ADPRHL1: variants seen among roughly 807,000 people sequenced by gnomAD.
ADPRHL1 encodes the protein ADP-ribosylhydrolase like 1, also known as inactive ADP-ribosyltransferase ARH2.
A neutral mutation model predicts 44.1 loss-of-function variants in ADPRHL1; 43 were observed. That is an observed-to-expected ratio of 0.98 (90% CI 0.76 to 1.26). The LOEUF is 1.26. Ranked by LOEUF, ADPRHL1 falls within the 50% of genes most tolerant of loss-of-function variation. The probability of loss-of-function intolerance (pLI) is 0.00; values close to 1 mark genes in which losing one functional copy is unlikely to be tolerated. For synonymous variants in ADPRHL1, 878 were observed against 1,017.4 expected (o/e 0.86, Z 2.61); for missense variants, 2,022 against 2,496.9 (o/e 0.81, Z 4.05).
At position 113,403,017 on chromosome 13, in the gene ADPRHL1, T is replaced by G; in HGVS notation, c.*361A>C. On this transcript the variant is annotated 3_prime_UTR_variant, in exon 8 of 8. Coordinates refer to ENST00000612156, the MANE Select transcript of ADPRHL1 (RefSeq NM_001394807.1). ...TCCCAAAGTGCCAGCATCCTGCAGA[T>G]CGAAGGGGACGCACACACCGTGCCA... is the stretch of plus-strand genomic sequence containing the variant. 3 of 167,522 alleles carry G rather than the reference T, an allele frequency of 1.8e-5. No individual in the cohort carries two copies. Among genetic ancestry groups the G allele is most frequent in the Non-Finnish European group, 3.8e-5 (3 of 78,734 alleles). The allele number at this position is 167,522 out of a possible 1,614,324, so 10.4% of individuals were successfully genotyped here.
intron 7 of ADPRHL1, among the ~76,000 whole-genome samples, chr13:113,413,257 C>T (rs937377378): frequency 4.6e-5 from 7 of 152,244 alleles, no homozygotes; most frequent in Non-Finnish European, 8.8e-5. Flanking sequence ...GTCCACTCCA[C>T]GCCCAACCTC....
chr13:113,437,101 G>C (rs1450744425), intron 2 of ADPRHL1, among the ~76,000 whole-genome samples: 1 of 146,416 alleles, frequency 6.8e-6, no homozygotes, highest in African/African-American at 2.6e-5. Context: ...GAACATAGGT[G>C]TACCCCGGGA....
At position 113,401,258 on chromosome 13, in the gene ADPRHL1, T is replaced by C. The variant is rs909045613; in HGVS notation, c.*2120A>G. Reference sequence around the variant, plus strand: ...GCTGGACCCCTGAGCTCCCCTCTCATGGGCCTCTCCGTTTGGGTGGCTCCG... The same window carrying C: ...GCTGGACCCCTGAGCTCCCCTCTCACGGGCCTCTCCGTTTGGGTGGCTCCG... On this transcript the variant is annotated 3_prime_UTR_variant, in exon 8 of 8. Transcript: ENST00000612156. The surrounding 1 kb of genome is among the most constrained non-coding windows in gnomAD (Gnocchi z 5.5). 6.6e-6 allele frequency: 1 copy of C among 152,148 alleles called. No individual in the cohort carries two copies. The highest frequency in any genetic ancestry group is 2.4e-5 in the African/African-American group (1 of 41,424). The allele number at this position is 152,148 out of a possible 1,614,324, so 9.4% of individuals were successfully genotyped here. A position where few individuals can be genotyped will look rare whatever the true frequency, so the allele number is the denominator to read the frequency against.
Position 113,407,263 on chromosome 13 carries a change from C to T in ADPRHL1, c.2019G>A (p.Gly673=), listed in dbSNP as rs1326627670. The change falls in exon 8 of 8, where the codon GGG becomes GGA. Residue 673 remains glycine, a synonymous_variant. Coordinates refer to ENST00000612156, the MANE Select transcript of ADPRHL1 (RefSeq NM_001394807.1). ...GPSGNKAVGK[G]PLEEEPQRQP... is the part of the protein sequence containing the mutation. ...GTCTTTGGGGCTCCTCCTCCAGGGG[C>T]CCCTTTCCCACTGCTTTGTTCCCAC... is the stretch of plus-strand genomic sequence containing the variant. The T allele has an allele frequency of 1.6e-6, 2 of 1,232,100 alleles. No homozygotes were observed. Among genetic ancestry groups the T allele is most frequent in the Non-Finnish European group, 2.0e-6 (2 of 988,090 alleles). 76.3% of individuals were successfully genotyped at this position (1,232,100 alleles called of 1,614,324 possible). A position where few individuals can be genotyped will look rare whatever the true frequency, so the allele number is the denominator to read the frequency against.
chr13:113,417,563 ATCCC>A (rs2043893109), intron 7 of ADPRHL1, among the ~76,000 whole-genome samples: 1 of 151,860 alleles, frequency 6.6e-6, no homozygotes, highest in Non-Finnish European at 1.5e-5. Flanking sequence ...ATCAGGCGCT[ATCCC>A]TGCCTTTGTC....
chr13:113,451,245 C>T (rs1184857778), intron 1 of ADPRHL1, among the ~76,000 whole-genome samples: 4 of 152,184 alleles, frequency 2.6e-5, no homozygotes, highest in African/African-American at 9.7e-5. Context: ...GTAATTGCTA[C>T]AAACTAATGA....
intron 2 of ADPRHL1, among the ~76,000 whole-genome samples, chr13:113,440,272 T>G (rs908052394): frequency 1.3e-5 from 2 of 152,224 alleles, no homozygotes; most frequent in Non-Finnish European, 2.9e-5. Context: ...ATTCTGAAGA[T>G]CTGTTATTAG....
intron 2 of ADPRHL1, among the ~76,000 whole-genome samples, chr13:113,434,688 G>A (rs911125497): frequency 6.4e-3 from 807 of 126,244 alleles, no homozygotes; most frequent in East Asian, 0.02. Flanking sequence ...CGGCACCCAG[G>A]TGTAGAGTGA....
chr13:113,433,167 C>T (rs1391990969), intron 3 of ADPRHL1, among the ~76,000 whole-genome samples: 1 of 152,220 alleles, frequency 6.6e-6, no homozygotes, highest in Non-Finnish European at 1.5e-5. Context: ...CGCCCCGTTA[C>T]AGGTTAGAAA....
Position 113,406,737 on chromosome 13 carries a change from C to G in ADPRHL1, c.2545G>C (p.Val849Leu). The change falls in exon 8 of 8, where the codon GTT becomes CTT. Residue 849 changes from valine (V) to leucine (L), a missense_variant. By Grantham distance (32) the Val-to-Leu change is conservative. Around this residue, in one of 8 missense-constraint regions of ADPRHL1, gnomAD observed 1,221 missense variants for 1,517.8 expected, o/e 0.80. Transcript: ENST00000612156. ...GGAGGGGCTGGCATTTCATGGACAACTGGAATTTGGACAGTTATCCGTGGA... is the reference window on the plus strand; with the variant it reads ...GGAGGGGCTGGCATTTCATGGACAAGTGGAATTTGGACAGTTATCCGTGGA... The part of the protein sequence containing the change: ...EPPRITVQIP[V>L]VHEMPAPPTR... 8.1e-7 allele frequency: 1 copy of G among 1,232,000 alleles called. No individual in the cohort carries two copies. 76.3% of individuals were successfully genotyped at this position (1,232,000 alleles called of 1,614,324 possible).
Position 113,433,726 on chromosome 13 carries a change from C to G in ADPRHL1, c.505+16G>C, listed in dbSNP as rs1182282367. 1 of 1,580,456 alleles carries G rather than the reference C, an allele frequency of 6.3e-7. No homozygotes were observed. Among genetic ancestry groups the G allele is most frequent in the Admixed American group, 1.7e-5 (1 of 57,568 alleles). On this transcript the variant is annotated intron_variant, in intron 3 of 7. Coordinates refer to ENST00000612156, the MANE Select transcript of ADPRHL1 (RefSeq NM_001394807.1). ...ACTCCACGCTGACCTCCCTCCCACC[C>G]CCCGCCCACACTTACCTGTGGGATG...
intron 1 of ADPRHL1, among the ~76,000 whole-genome samples, chr13:113,445,594 TCC>T (rs988018231): frequency 6.6e-6 from 1 of 151,954 alleles, no homozygotes; most frequent in Non-Finnish European, 1.5e-5. Flanking sequence ...GGTGATGAAT[TCC>T]CCACCTTTGG....
Position 113,405,077 on chromosome 13 carries a change from G to A in ADPRHL1, c.4205C>T (p.Ser1402Leu), listed in dbSNP as rs1595535320. Residue 1402 changes from serine (S) to leucine (L), a missense_variant, in exon 8 of 8, where the codon TCG becomes TTG. Physicochemically the swap from Ser to Leu is moderately radical, Grantham distance 145 (BLOSUM62 -2). Transcript: ENST00000612156. ...TGGGTTCAGCACAACCTTCGAGCCC[G>A]ACGGCGCCACCCTCTTCCCCGCATC... ...PGDAGKRVAP[S>L]GSKVVLNPAK... 4.9e-6 allele frequency: 6 copies of A among 1,232,198 alleles called. No individual in the cohort carries two copies. Among genetic ancestry groups the A allele is most frequent in the Middle Eastern group, 3.1e-4 (1 of 3,208 alleles). The allele number at this position is 1,232,198 out of a possible 1,614,324, so 76.3% of individuals were successfully genotyped here.
chr13:113,424,139 C>T (rs1595544351), intron 6 of ADPRHL1, 78 bp downstream of exon 6: 1 of 1,574,878 alleles, frequency 6.3e-7, no homozygotes, highest in South Asian at 1.2e-5. Flanking sequence ...TGCCTGCAGT[C>T]CTAGGACACT....
At position 113,410,301 on chromosome 13, in the gene ADPRHL1, T is replaced by C. The variant is rs1339239301; in HGVS notation, c.1062-2081A>G. ...GCATCAGTGGATCAAGAGGCCTTGC[T>C]GAGACCCGGATTTTGGGGCCGCACC... On this transcript the variant is annotated intron_variant, in intron 7 of 7. Transcript: ENST00000612156. Among the ~76,000 whole-genome samples, 3 of 152,192 alleles carry C rather than the reference T, an allele frequency of 2.0e-5. No individual in the cohort carries two copies. In the South Asian group the frequency reaches 6.2e-4, roughly 31 times the overall value.
At chr13:113,424,950 C>T in intron 5 of ADPRHL1, 102 bp downstream of exon 5, 3 of 1,391,012 alleles carry the variant, frequency 2.2e-6, no homozygotes, top group Non-Finnish European at 3.0e-6. Flanking sequence ...ATCTATCCAT[C>T]CATCCATTCA....
chr13:113,436,482 C>G (rs2044058231), intron 2 of ADPRHL1, among the ~76,000 whole-genome samples: 3 of 4,650 alleles, frequency 6.5e-4, no homozygotes, highest in Non-Finnish European at 1.3e-3. Flanking sequence ...TACCCCGGGA[C>G]CCGGCACCCA....
Position 113,403,444 on chromosome 13 carries a change from C to A in ADPRHL1, c.5838G>T (p.Arg1946Ser). 1 of 1,232,120 alleles carries A rather than the reference C, an allele frequency of 8.1e-7. No homozygotes were observed. The highest frequency in any genetic ancestry group is 4.1e-5 in the South Asian group (1 of 24,314). The allele number at this position is 1,232,120 out of a possible 1,614,324, so 76.3% of individuals were successfully genotyped here. A position where few individuals can be genotyped will look rare whatever the true frequency, so the allele number is the denominator to read the frequency against. The part of the protein sequence containing the change: ...KYKAQSFRDQ[R>S]AFDLSFRPMS... ...TTGGTCTGAAGGACAAATCGAAGGC[C>A]CTCTGGTCACGGAAGCTCTGGGCTT... The change falls in exon 8 of 8, where the codon AGG becomes AGT. Residue 1946 changes from arginine (R) to serine (S), a missense_variant. Around this residue, in one of 8 missense-constraint regions of ADPRHL1, gnomAD observed 205 missense variants for 250.1 expected, o/e 0.82. Transcript: ENST00000612156.
At position 113,453,249 on chromosome 13, in the gene ADPRHL1, G is replaced by C; in HGVS notation, c.189C>G (p.Ile63Met). The C allele has an allele frequency of 6.2e-7, 1 of 1,614,098 alleles. No individual in the cohort carries two copies. The highest frequency in any genetic ancestry group is 8.5e-7 in the Non-Finnish European group (1 of 1,180,030). ...WPVSDNTIMH[I>M]ATAEALTTDY... is the part of the protein sequence containing the mutation. ...CTGTGGTGAGGGCCTCGGCGGTTGC[G>C]ATGTGCATGATGGTGTTGTCACTCA... is the stretch of plus-strand genomic sequence containing the variant. The change falls in exon 1 of 8, where the codon ATC (isoleucine) becomes ATG (methionine). Residue 63 changes from isoleucine (I) to methionine (M), a missense_variant. Coordinates refer to ENST00000612156, the MANE Select transcript of ADPRHL1 (RefSeq NM_001394807.1). This position sits in a 1 kb window ranked among gnomAD's most constrained non-coding sequence, Gnocchi z 5.4.
Sources: allele counts gnomAD v4.1 joint callset (sites outside exome capture counted in the v4.1 genomes callset), GRCh38; gene constraint gnomAD v4.1.1; regional missense constraint gnomAD v4.1.1; non-coding constraint Gnocchi (gnomAD v3.1); transcripts MANE v1.5; gene names NCBI Gene and HGNC (gene_info 2026-07-23, HGNC 2026-07-21).